The following RREB1 variants were observed in gnomAD, a reference collection of about 807,000 sequenced individuals.
The protein encoded by RREB1 is ras-responsive element-binding protein 1.
A neutral mutation model predicts 117.8 loss-of-function variants in RREB1; 27 were observed. That is an observed-to-expected ratio of 0.23 (90% CI 0.17 to 0.32). The LOEUF (loss-of-function observed/expected upper bound fraction) is 0.32. Among genes scored for constraint, RREB1 ranks in the 10% least tolerant of loss-of-function variants. The probability of loss-of-function intolerance (pLI) is 1.00; values close to 1 mark genes in which losing one functional copy is unlikely to be tolerated. For synonymous variants in RREB1, 1,298 were observed against 1,026.7 expected, an observed-to-expected ratio of 1.26 and a Z score of -5.05; for missense variants, 2,577 against 2,378.2, an observed-to-expected ratio of 1.08 and a Z score of -1.74.
rs373244240 is a variant in RREB1, at chr6:7,229,540, C to T, written c.1441C>T (p.Pro481Ser). 2.5e-6 allele frequency: 4 copies of T among 1,614,072 alleles called. No homozygotes were observed. Among genetic ancestry groups the T allele is most frequent in the Non-Finnish European group, 3.4e-6 (4 of 1,180,008 alleles). Residue 481 changes from proline (P) to serine (S), a missense_variant, in exon 10 of 13, where the codon CCC becomes TCC. Physicochemically the swap from Pro to Ser is moderately conservative, Grantham distance 74. Transcript: ENST00000379938. This position sits in a 1 kb window ranked among gnomAD's most constrained non-coding sequence, Gnocchi z 4.5. Reference sequence around the variant, plus strand: ...AATTCTGAAGATGGCAGCCTCGGCTCCCCCTCAGATCAGTCTTCCGCCCTT... The same window carrying T: ...AATTCTGAAGATGGCAGCCTCGGCTTCCCCTCAGATCAGTCTTCCGCCCTT... ...QQILKMAASAPPQISLPPFSK... is the reference protein window; with the variant it reads ...QQILKMAASASPQISLPPFSK...
At chr6:7,149,995 GT>G (rs375066168) in intron 1 of RREB1, among the ~76,000 whole-genome samples, 1,666 of 140,248 alleles carry the variant, frequency 0.012, 39 homozygotes, top group East Asian at 0.045. Flanking sequence ...GGCCTGGTTG[GT>G]TTTTTTTTTT....
intron 5 of RREB1, among the ~76,000 whole-genome samples, chr6:7,188,782 G>A (rs1338489681): frequency 6.6e-6 from 1 of 152,104 alleles, no homozygotes; most frequent in African/African-American, 2.4e-5. Flanking sequence ...TCTGAAGAAG[G>A]GACGTTGACT....
rs115037388 is a variant in RREB1, at chr6:7,230,644, G to T, written c.2545G>T (p.Gly849Cys). The change falls in exon 10 of 13, where the codon GGC becomes TGC. Residue 849 changes from glycine (G) to cysteine (C), a missense_variant. Coordinates refer to ENST00000379938, the MANE Select transcript of RREB1 (RefSeq NM_001003699.4). ...GGCGTCGGGGCGCGGGGAGGACAGT[G>T]GCTGCGCTGCCCTTGGTGACTGCAA... is the stretch of plus-strand genomic sequence containing the variant. ...AEASGRGEDS[G>C]CAALGDCKPL... 8.6e-5 allele frequency: 137 copies of T among 1,602,086 alleles called. No homozygotes were observed. The highest frequency in any genetic ancestry group is 1.1e-4 in the Non-Finnish European group (132 of 1,174,836).
intron 1 of RREB1, among the ~76,000 whole-genome samples, chr6:7,135,956 G>T (rs1009593751): frequency 6.6e-6 from 1 of 152,158 alleles, no homozygotes; most frequent in Non-Finnish European, 1.5e-5. Context: ...GACCTGGTGA[G>T]AGAGGTGGCA....
chr6:7,230,471 A>G lies in RREB1; in HGVS notation c.2372A>G (p.Glu791Gly). Residue 791 changes from glutamate to glycine, a missense_variant, in exon 10 of 13, where the codon GAG (glutamate) becomes GGG (glycine). By Grantham distance (98) the Glu-to-Gly change is moderately conservative. Transcript: ENST00000379938. ...GGCCACAAGGGCCGCAAGCCCTTCG[A>G]GTGCAAGGAGTGCAGCGCCGCGTTC... ...GGGHKGRKPF[E>G]CKECSAAFAA... The G allele has an allele frequency of 1.3e-6, 2 of 1,594,094 alleles. No homozygotes were observed. Among genetic ancestry groups the G allele is most frequent in the Non-Finnish European group, 1.7e-6 (2 of 1,177,190 alleles).
intron 1 of RREB1, among the ~76,000 whole-genome samples, chr6:7,150,904 G>C (rs551830390): frequency 2.6e-5 from 4 of 152,258 alleles, no homozygotes; most frequent in Non-Finnish European, 4.4e-5. Flanking sequence ...ATGTTGAGAG[G>C]TTGGGGTGGT....
At chr6:7,223,772 C>G (rs975064022) in intron 8 of RREB1, among the ~76,000 whole-genome samples, 2 of 152,132 alleles carry the variant, frequency 1.3e-5, no homozygotes, top group African/African-American at 4.8e-5. Flanking sequence ...GGAGCACATA[C>G]GAAAACTTTT....
intron 1 of RREB1, among the ~76,000 whole-genome samples, chr6:7,160,083 T>A (rs550040153): frequency 1.5e-4 from 23 of 151,802 alleles, no homozygotes; most frequent in African/African-American, 4.8e-4. Flanking sequence ...GAGGGCAGGG[T>A]GCAATTAAGG....
intron 1 of RREB1, among the ~76,000 whole-genome samples, chr6:7,153,346 T>C (rs1290953208): frequency 6.6e-6 from 1 of 151,592 alleles, no homozygotes; most frequent in Non-Finnish European, 1.5e-5. Context: ...ATTACATAAA[T>C]AAAATTGAAA....
intron 1 of RREB1, among the ~76,000 whole-genome samples, chr6:7,141,918 C>A (rs1192359942): frequency 6.6e-6 from 1 of 152,212 alleles, no homozygotes; most frequent in African/African-American, 2.4e-5. Context: ...GTTTTCTGGG[C>A]CGGGAGCGGT....
intron 10 of RREB1, among the ~76,000 whole-genome samples, chr6:7,235,016 T>A (rs1181314232): frequency 6.6e-6 from 1 of 152,224 alleles, no homozygotes; most frequent in East Asian, 1.9e-4. Context: ...CCACTGTGGA[T>A]CAGAATGTTA....
intron 1 of RREB1, among the ~76,000 whole-genome samples, chr6:7,155,317 G>GTTTA (rs1306238742): frequency 6.6e-6 from 1 of 152,160 alleles, no homozygotes; most frequent in Admixed American, 6.5e-5. Context: ...TTGTTTGTTT[G>GTTTA]TTTGTCTGAG....
intron 10 of RREB1, among the ~76,000 whole-genome samples, chr6:7,234,030 AG>A (rs113333827): frequency 0.029 from 4,491 of 152,276 alleles, 221 homozygotes; most frequent in African/African-American, 0.1. Context: ...AGGAGTAGCA[AG>A]TCAGGAGTGC....
At chr6:7,131,826 A>G (rs1479544931) in intron 1 of RREB1, among the ~76,000 whole-genome samples, 1 of 151,810 alleles carries the variant, frequency 6.6e-6, no homozygotes, top group Non-Finnish European at 1.5e-5. Context: ...GGGGGAAGAA[A>G]GGGAGATAAT....
At position 7,229,723 on chromosome 6, in the gene RREB1, C is replaced by T. The variant is rs750751724; in HGVS notation, c.1624C>T (p.Leu542=). ...TTCCCCGGGCTGTATCAGCCCCAGC[C>T]TGCCGCCACCGCCCCTGAAGCTCCT... ...QASPGCISPS[L]PPPPLKLLKG... The change falls in exon 10 of 13, where the codon CTG becomes TTG. Residue 542 remains leucine (L), a synonymous_variant. Coordinates refer to ENST00000379938, the MANE Select transcript of RREB1 (RefSeq NM_001003699.4). The surrounding 1 kb of genome is among the most constrained non-coding windows in gnomAD (Gnocchi z 4.5). 13 of 1,601,380 alleles carry T rather than the reference C, an allele frequency of 8.1e-6. No homozygotes were observed. The highest frequency in any genetic ancestry group is 3.4e-5 in the Admixed American group (2 of 59,214).
At chr6:7,118,801 ATTTTTTTTT>A (rs70978942) in intron 1 of RREB1, among the ~76,000 whole-genome samples, 3 of 47,056 alleles carry the variant, frequency 6.4e-5, no homozygotes, top group African/African-American at 1.8e-4. Flanking sequence ...GTTTTTTTTA[ATTTTTTTTT>A]TTTTTTTTTT....
Position 7,222,616 on chromosome 6 carries a change from A to G in RREB1, c.708-3851A>G, listed in dbSNP as rs1299686306. 2.0e-5 allele frequency among the ~76,000 whole-genome samples: 3 copies of G among 152,132 alleles called. No homozygotes were observed. The East Asian group carries it at 5.8e-4, about 29-fold the overall frequency. On this transcript the variant is annotated intron_variant, in intron 8 of 12. Coordinates refer to ENST00000379938, the MANE Select transcript of RREB1 (RefSeq NM_001003699.4). ...CAGGAGGGATTTAAGGGTGAGGGAGAGAATGAAGAAGACAGACACAGGCAT... is the reference window on the plus strand; with the variant it reads ...CAGGAGGGATTTAAGGGTGAGGGAGGGAATGAAGAAGACAGACACAGGCAT...
chr6:7,211,822 C>T, intron 8 of RREB1, 113 bp downstream of exon 8: 1 of 1,120,830 alleles, frequency 8.9e-7, no homozygotes, highest in Non-Finnish European at 1.3e-6. Context: ...TTGGGCACAA[C>T]AACATTAGGG....
chr6:7,215,514 A>G (rs1437761110), intron 8 of RREB1: 3 of 151,976 alleles, frequency 2.0e-5, no homozygotes, highest in African/African-American at 7.3e-5. Context: ...ATTTTTTTGT[A>G]TATTTTGCAG....
Sources: allele counts gnomAD v4.1 joint callset (sites outside exome capture counted in the v4.1 genomes callset), GRCh38; gene constraint gnomAD v4.1.1; non-coding constraint Gnocchi (gnomAD v3.1); transcripts MANE v1.5; gene names NCBI Gene and HGNC (gene_info 2026-07-23, HGNC 2026-07-21).